The following ZNF227 variants were observed in gnomAD, a reference collection of about 807,000 sequenced individuals.
ZNF227 encodes the protein zinc finger protein 227.
Under a neutral mutation model 13.2 loss-of-function variants are expected in ZNF227, and 12 were observed. The ratio of observed to expected loss-of-function variants is 0.91; its 90% CI spans 0.58 to 1.47. The LOEUF (loss-of-function observed/expected upper bound fraction) is 1.47, where lower values mean the gene tolerates loss of function less well. Ranked by LOEUF, ZNF227 falls within the 40% of genes most tolerant of loss-of-function variation. The pLI, the probability that ZNF227 is intolerant of heterozygous loss-of-function variation, is 0.00. For synonymous variants in ZNF227, 338 were observed against 326.0 expected (o/e 1.04, Z -0.40); for missense variants, 885 against 967.5 (o/e 0.91, Z 1.13).
intron 3 of ZNF227, 83 bp downstream of exon 3, chr19:44,217,935 A>G (rs921003100): frequency 1.3e-6 from 2 of 1,522,446 alleles, no homozygotes; most frequent in African/African-American, 2.7e-5. Context: ...TTTCTTGGAA[A>G]GGTTAGTGGG....
intron 3 of ZNF227, among the ~76,000 whole-genome samples, chr19:44,222,440 G>A (rs1318478651): frequency 1.3e-5 from 2 of 151,480 alleles, no homozygotes; most frequent in South Asian, 2.1e-4. Flanking sequence ...TTATTTCATC[G>A]AGCAGTGGTT....
intron 5 of ZNF227, 70 bp downstream of exon 5, chr19:44,229,886 A>G (rs2122878053): frequency 9.0e-7 from 1 of 1,106,174 alleles, no homozygotes; most frequent in Non-Finnish European, 1.3e-6. Flanking sequence ...TACCATGTCC[A>G]TGACCTCCCT....
Position 44,235,833 on chromosome 19 carries a change from C to T in ZNF227, c.1403C>T (p.Ala468Val), listed in dbSNP as rs767458003. 13 of 1,611,534 alleles carry T rather than the reference C, an allele frequency of 8.1e-6. No individual in the cohort carries two copies. The East Asian group carries it at 8.9e-5, about 11-fold the overall frequency. Reference protein sequence around the residue: ...HTGEKPYKCEACGKGFTRNTD... With the variant: ...HTGEKPYKCEVCGKGFTRNTD... ...GGAGAGAAGCCATACAAGTGTGAGG[C>T]GTGTGGGAAAGGCTTTACCCGTAAT... The change falls in exon 6 of 6, where the codon GCG becomes GTG. Residue 468 changes from alanine to valine, a missense_variant. Physicochemically the swap from Ala to Val is moderately conservative, Grantham distance 64. Coordinates refer to ENST00000313040, the MANE Select transcript of ZNF227 (RefSeq NM_182490.3).
intron 3 of ZNF227, among the ~76,000 whole-genome samples, chr19:44,225,447 T>C (rs1973016109): frequency 6.6e-6 from 1 of 152,252 alleles, no homozygotes; most frequent in South Asian, 2.1e-4. Context: ...CCCATATTTC[T>C]TGGAGGCTTT....
At position 44,234,690 on chromosome 19, in the gene ZNF227, CT is replaced by C; in HGVS notation, c.272-6del. The C allele has an allele frequency of 2.6e-6, 4 of 1,557,222 alleles. No individual in the cohort carries two copies. Among genetic ancestry groups the C allele is most frequent in the Non-Finnish European group, 3.5e-6 (4 of 1,158,982 alleles). On this transcript the variant is annotated splice_polypyrimidine_tract_variant and intron_variant, in intron 5 of 5. Coordinates refer to ENST00000313040, the MANE Select transcript of ZNF227 (RefSeq NM_182490.3). ...CTCATCTCTAAATATTGCCTTTTTTCTTTTTTAATAGGCAGCAAGCATCAAA... is the reference window on the plus strand; with the variant it reads ...CTCATCTCTAAATATTGCCTTTTTTCTTTTTAATAGGCAGCAAGCATCAAA...
chr19:44,213,285 C>A (rs1452233656), intron 2 of ZNF227, 41 bp downstream of exon 2: 2 of 152,254 alleles, frequency 1.3e-5, no homozygotes, highest in East Asian at 3.9e-4. Flanking sequence ...CATTTTCTGT[C>A]CTTTCAGTTA....
At chr19:44,223,078 G>C (rs553710227) in intron 3 of ZNF227, among the ~76,000 whole-genome samples, 1 of 152,108 alleles carries the variant, frequency 6.6e-6, no homozygotes, top group South Asian at 2.1e-4. Context: ...ATTGATTTGC[G>C]TATGTTGAAC....
intron 2 of ZNF227, chr19:44,217,401 C>T (rs902011078): frequency 1.5e-5 from 7 of 471,366 alleles, no homozygotes; most frequent in African/African-American, 1.4e-4. Flanking sequence ...TGATTCTTAC[C>T]ATATCCTCAT....
intron 2 of ZNF227, among the ~76,000 whole-genome samples, chr19:44,216,884 CA>C (rs754623640): frequency 3.3e-5 from 5 of 150,258 alleles, no homozygotes; most frequent in Admixed American, 2.0e-4. Context: ...TTCGGCTTTT[CA>C]GAAATTAAAG....
At chr19:44,221,157 G>A (rs528316622) in intron 3 of ZNF227, among the ~76,000 whole-genome samples, 2 of 151,978 alleles carry the variant, frequency 1.3e-5, no homozygotes, top group South Asian at 4.2e-4. Context: ...TTTATAATCC[G>A]TTGGGTATAC....
chr19:44,236,160 A>G lies in ZNF227; in HGVS notation c.1730A>G (p.Lys577Arg), dbSNP rs776349190. ...QVIHTGEKPY[K>R]CEECGKGFSW... is the part of the protein sequence containing the mutation. ...ATTCACACTGGAGAAAAACCATATA[A>G]ATGTGAGGAATGTGGGAAGGGCTTC... is the stretch of plus-strand genomic sequence containing the variant. The change falls in exon 6 of 6, where the codon AAA becomes AGA. Residue 577 changes from lysine (K) to arginine (R), a missense_variant. Lys to Arg is a conservative substitution (Grantham distance 26). Coordinates refer to ENST00000313040, the MANE Select transcript of ZNF227 (RefSeq NM_182490.3). 3 of 1,614,148 alleles carry G rather than the reference A, an allele frequency of 1.9e-6. No individual in the cohort carries two copies. The highest frequency in any genetic ancestry group is 2.5e-6 in the Non-Finnish European group (3 of 1,180,024).
At position 44,236,620 on chromosome 19, in the gene ZNF227, T is replaced by A. The variant is rs1323442950; in HGVS notation, c.2190T>A (p.Asn730Lys). Residue 730 changes from asparagine (N) to lysine (K), a missense_variant, in exon 6 of 6, where the codon AAT (asparagine) becomes AAA (lysine). By Grantham distance (94) the Asn-to-Lys change is moderately conservative (BLOSUM62 0). Transcript: ENST00000313040. ...ECGKAFSLPSNLRVHLGVHTR... is the reference protein window; with the variant it reads ...ECGKAFSLPSKLRVHLGVHTR... ...GTAAGGCCTTCAGTCTCCCCTCAAA[T>A]CTTCGAGTCCACCTGGGTGTTCACA... 4.3e-6 allele frequency: 7 copies of A among 1,613,896 alleles called. No homozygotes were observed. Among genetic ancestry groups the A allele is most frequent in the African/African-American group, 1.3e-5 (1 of 74,852 alleles).
At chr19:44,228,363 G>A (rs1973405715) in intron 3 of ZNF227, 83 bp from the exon 4 acceptor site, 4 of 1,492,682 alleles carry the variant, frequency 2.7e-6, no homozygotes, top group Non-Finnish European at 3.6e-6. Flanking sequence ...ACTTTTTTGT[G>A]GTGCTCTTTT....
intron 2 of ZNF227, among the ~76,000 whole-genome samples, chr19:44,214,244 T>C (rs1232469064): frequency 6.6e-6 from 1 of 152,236 alleles, no homozygotes; most frequent in Non-Finnish European, 1.5e-5. Flanking sequence ...TTCAGAAAAC[T>C]TAAATTACTT....
At chr19:44,219,138 C>T (rs540674309) in intron 3 of ZNF227, among the ~76,000 whole-genome samples, 21 of 152,310 alleles carry the variant, frequency 1.4e-4, no homozygotes, top group Non-Finnish European at 2.8e-4. Flanking sequence ...CCACCCACTT[C>T]GGCCTCCCAA....
rs1262875229 is a variant in ZNF227, at chr19:44,235,648, G to T, written c.1218G>T (p.Lys406Asn). The change falls in exon 6 of 6, where the codon AAG becomes AAT. Residue 406 changes from lysine to asparagine, a missense_variant. Coordinates refer to ENST00000313040, the MANE Select transcript of ZNF227 (RefSeq NM_182490.3). ...ACCAGAGGGTCCACAGGGGTGAGAA[G>T]CCCTATAAATGTGAGGAATGTGGTA... ...RVHQRVHRGE[K>N]PYKCEECGKG... The T allele has an allele frequency of 2.5e-6, 4 of 1,613,714 alleles. No homozygotes were observed. The highest frequency in any genetic ancestry group is 3.4e-6 in the Non-Finnish European group (4 of 1,179,940).
intron 3 of ZNF227, 195 bp from the exon 4 acceptor site, chr19:44,228,251 A>T: frequency 1.9e-6 from 1 of 523,350 alleles, no homozygotes; most frequent in Non-Finnish European, 3.2e-6. Flanking sequence ...AACAAAAAAC[A>T]GTGATAAACT....
chr19:44,211,830 T>C (rs1971381672), upstream of ZNF227, among the ~76,000 whole-genome samples: 1 of 149,724 alleles, frequency 6.7e-6, no homozygotes, highest in Non-Finnish European at 1.5e-5. Context: ...TTTTTTTTTT[T>C]GGAAGTGGTG....
chr19:44,222,121 T>C (rs1972587094), intron 3 of ZNF227, among the ~76,000 whole-genome samples: 3 of 152,034 alleles, frequency 2.0e-5, no homozygotes, highest in Admixed American at 2.0e-4. Context: ...CATTGATCTA[T>C]ATCTCTGTTT....
Sources: gnomAD v4.1 joint callset for allele counts (sites outside exome capture counted in the v4.1 genomes callset) on GRCh38, gnomAD v4.1.1 for gene constraint, MANE v1.5 for transcripts, NCBI Gene and HGNC (gene_info 2026-07-23, HGNC 2026-07-21) for gene names.